Variants in P4HA3 observed in about 807,000 individuals in gnomAD.
P4HA3 encodes the protein prolyl 4-hydroxylase subunit alpha 3.
A neutral mutation model predicts 66.7 loss-of-function variants in P4HA3; 60 were observed. The ratio of observed to expected loss-of-function variants is 0.90; its 90% CI spans 0.73 to 1.12. The LOEUF (loss-of-function observed/expected upper bound fraction) is 1.12, where lower values mean the gene tolerates loss of function less well. Ranked by LOEUF, P4HA3 falls within the 50% of genes most tolerant of loss-of-function variation. The probability of loss-of-function intolerance (pLI) is 0.00; values close to 1 mark genes in which losing one functional copy is unlikely to be tolerated. For synonymous variants in P4HA3, 263 were observed against 274.6 expected, an observed-to-expected ratio of 0.96 and a Z score of 0.42; for missense variants, 683 against 685.8, an observed-to-expected ratio of 1.00 and a Z score of 0.05.
chr11:74,267,120 G>A lies in P4HA3; in HGVS notation c.*128C>T. The A allele has an allele frequency of 6.4e-7, 1 of 1,552,752 alleles. No individual in the cohort carries two copies. The highest frequency in any genetic ancestry group is 8.7e-7 in the Non-Finnish European group (1 of 1,153,006). ...CCTCTCCCTTGCCTCTGATTTGCGA[G>A]GCACAGACAAAGCTGACAAGGCCTT... On this transcript the variant is annotated 3_prime_UTR_variant, in exon 13 of 13. Transcript: ENST00000331597.
At chr11:74,284,990 T>G (rs1860738950) in intron 7 of P4HA3, among the ~76,000 whole-genome samples, 1 of 152,026 alleles carries the variant, frequency 6.6e-6, no homozygotes, top group Non-Finnish European at 1.5e-5. Flanking sequence ...GTTCTTTTTA[T>G]AACGAAATTA....
chr11:74,269,746 A>G, intron 10 of P4HA3, 26 bp from the exon 11 acceptor site: 1 of 1,612,200 alleles, frequency 6.2e-7, no homozygotes, highest in Admixed American at 1.7e-5. Flanking sequence ...AAGAAGCCAG[A>G]GTTAAAACTG....
chr11:74,301,555 CAT>C (rs1335385567), intron 3 of P4HA3, among the ~76,000 whole-genome samples: 2 of 152,164 alleles, frequency 1.3e-5, no homozygotes, highest in African/African-American at 2.4e-5. Flanking sequence ...AATCAGGACA[CAT>C]GAGACCCACT....
At chr11:74,304,814 A>AT (rs996805468) in intron 1 of P4HA3, among the ~76,000 whole-genome samples, 5 of 152,176 alleles carry the variant, frequency 3.3e-5, no homozygotes, top group Non-Finnish European at 7.3e-5. Flanking sequence ...GATATGTGCT[A>AT]TATAGTGGTC....
At chr11:74,260,477 G>C (rs1415494847) in intron 14 of P4HA3, among the ~76,000 whole-genome samples, 1 of 152,186 alleles carries the variant, frequency 6.6e-6, no homozygotes, top group East Asian at 1.9e-4. Context: ...AATTGGGAGG[G>C]GGGCCCCTTA....
chr11:74,274,060 C>G (rs1279530171), intron 9 of P4HA3, among the ~76,000 whole-genome samples: 2 of 151,936 alleles, frequency 1.3e-5, no homozygotes, highest in Non-Finnish European at 2.9e-5. Context: ...AAATTCACCC[C>G]TTGTAAGCCT....
intron 4 of P4HA3, among the ~76,000 whole-genome samples, chr11:74,291,927 C>T (rs1861042264): frequency 7.4e-6 from 1 of 134,622 alleles, no homozygotes; most frequent in Non-Finnish European, 1.6e-5. Context: ...GTGTCTCTGC[C>T]GGGCTTTGGT....
At chr11:74,297,156 G>A (rs1861247538) in intron 4 of P4HA3, among the ~76,000 whole-genome samples, 1 of 151,982 alleles carries the variant, frequency 6.6e-6, no homozygotes, top group Non-Finnish European at 1.5e-5. Context: ...GTTTCTCCAT[G>A]TTGGTCAGGC....
intron 10 of P4HA3, 96 bp from the exon 11 acceptor site, chr11:74,269,816 C>T: frequency 8.2e-7 from 1 of 1,219,176 alleles, no homozygotes; most frequent in Non-Finnish European, 1.2e-6. Flanking sequence ...TTCTCATGGT[C>T]TTTTCTTCAA....
At chr11:74,284,523 T>G (rs1198910355) in intron 7 of P4HA3, among the ~76,000 whole-genome samples, 1 of 152,210 alleles carries the variant, frequency 6.6e-6, no homozygotes, top group Non-Finnish European at 1.5e-5. Flanking sequence ...CTAATCATGA[T>G]TGTAATTTAA....
At chr11:74,251,138 C>G in intron 15 of P4HA3, 1 of 1,503,790 alleles carries the variant, frequency 6.6e-7, no homozygotes, top group Non-Finnish European at 8.9e-7. Flanking sequence ...GGAGCCTATG[C>G]AGATGCAGTT....
intron 10 of P4HA3, among the ~76,000 whole-genome samples, chr11:74,272,492 T>C (rs1034526160): frequency 5.9e-5 from 9 of 152,174 alleles, no homozygotes; most frequent in Admixed American, 3.9e-4. Context: ...CCCTGCCTGA[T>C]AGCTGACCTC....
intron 15 of P4HA3, chr11:74,251,866 C>A: frequency 1.0e-6 from 1 of 979,336 alleles, no homozygotes; most frequent in Non-Finnish European, 1.6e-6. Flanking sequence ...CCTGGCATGT[C>A]TGTTTCTACA....
At chr11:74,268,324 C>G in intron 11 of P4HA3, 83 bp from the exon 12 acceptor site, 1 of 1,143,110 alleles carries the variant, frequency 8.7e-7, no homozygotes, top group East Asian at 2.4e-5. Flanking sequence ...CAAATGCAGG[C>G]ATGTCATTGA....
downstream of P4HA3, among the ~76,000 whole-genome samples, chr11:74,265,426 T>A (rs561217300): frequency 4.1e-4 from 62 of 152,280 alleles, no homozygotes; most frequent in Non-Finnish European, 7.1e-4. Context: ...GCTGAGGTCA[T>A]ATGGGCTTGC....
At chr11:74,277,208 T>C in intron 8 of P4HA3, 64 bp from the exon 9 acceptor site, 1 of 1,516,802 alleles carries the variant, frequency 6.6e-7, no homozygotes, top group Non-Finnish European at 9.0e-7. Context: ...ATGACGTCTC[T>C]GAATGAATGA....
downstream of P4HA3, among the ~76,000 whole-genome samples, chr11:74,265,506 T>C (rs1243970148): frequency 1.3e-5 from 2 of 152,184 alleles, no homozygotes; most frequent in South Asian, 2.1e-4. Context: ...TTATGAGCAA[T>C]ACATGCCCAC....
chr11:74,267,416 C>T (rs1860027993), intron 12 of P4HA3, 98 bp from the exon 13 acceptor site: 1 of 1,428,898 alleles, frequency 7.0e-7, no homozygotes, highest in African/African-American at 1.4e-5. Flanking sequence ...TGTGAGTGCC[C>T]CCTTAAATTC....
chr11:74,290,726 G>C (rs1406103569), intron 4 of P4HA3, among the ~76,000 whole-genome samples: 2 of 152,162 alleles, frequency 1.3e-5, no homozygotes, highest in African/African-American at 4.8e-5. Context: ...GCTTGTTTTA[G>C]TCAGGTTTGT....
Sources: allele counts gnomAD v4.1 joint callset (sites outside exome capture counted in the v4.1 genomes callset), GRCh38; gene constraint gnomAD v4.1.1; transcripts MANE v1.5; gene names NCBI Gene and HGNC (gene_info 2026-07-23, HGNC 2026-07-21).